The following SAMMSON variants were observed in gnomAD, a reference collection of about 807,000 sequenced individuals.
SAMMSON encodes the protein survival associated mitochondrial melanoma specific oncogenic non-coding RNA.
chr3:70,412,011 G>A (rs1025332342), intron 2 of SAMMSON, among the ~76,000 whole-genome samples: 1 of 152,098 alleles, frequency 6.6e-6, no homozygotes, highest in African/African-American at 2.4e-5. Context: ...GAACCAAGAA[G>A]GACATTTCCT....
intron 2 of SAMMSON, among the ~76,000 whole-genome samples, chr3:70,395,974 T>C (rs543124384): frequency 6.6e-6 from 1 of 152,288 alleles, no homozygotes; most frequent in Admixed American, 6.5e-5. Context: ...CAGTTTTCTC[T>C]TTTTAAAACT....
At chr3:70,232,080 G>T (rs1395540971) in intron 4 of SAMMSON, among the ~76,000 whole-genome samples, 1 of 152,138 alleles carries the variant, frequency 6.6e-6, no homozygotes, top group African/African-American at 2.4e-5. Context: ...TGAACTGGGA[G>T]ATGTGCTTTC....
intron 1 of SAMMSON, among the ~76,000 whole-genome samples, chr3:70,006,435 C>T (rs1417477106): frequency 2.6e-5 from 4 of 152,102 alleles, no homozygotes; most frequent in Admixed American, 6.5e-5. Flanking sequence ...TAAAGTTTGG[C>T]GAAGCTGGAT....
chr3:70,319,701 A>G (rs1307562916), intron 7 of SAMMSON, among the ~76,000 whole-genome samples: 1 of 152,094 alleles, frequency 6.6e-6, no homozygotes, highest in African/African-American at 2.4e-5. Flanking sequence ...CATAAATCAT[A>G]TGATAGGTAA....
intron 4 of SAMMSON, among the ~76,000 whole-genome samples, chr3:70,239,818 C>T (rs1466857526): frequency 1.3e-5 from 2 of 151,960 alleles, no homozygotes; most frequent in Non-Finnish European, 2.9e-5. Context: ...TCAGTGTTTC[C>T]CAATAGTGAG....
At chr3:70,048,072 C>T (rs2067133735) in intron 3 of SAMMSON, among the ~76,000 whole-genome samples, 1 of 151,988 alleles carries the variant, frequency 6.6e-6, no homozygotes, top group African/African-American at 2.4e-5. Flanking sequence ...TTAAAAGACA[C>T]ATTTTGGTTA....
chr3:70,255,055 G>C (rs1245784193), intron 6 of SAMMSON, among the ~76,000 whole-genome samples: 4 of 152,136 alleles, frequency 2.6e-5, no homozygotes, highest in Admixed American at 6.5e-5. Context: ...AAATCAGCTT[G>C]AGAAAGAGAG....
At chr3:70,084,985 A>G (rs992888946) in intron 4 of SAMMSON, among the ~76,000 whole-genome samples, 1 of 152,198 alleles carries the variant, frequency 6.6e-6, no homozygotes, top group Non-Finnish European at 1.5e-5. Context: ...AAGATGTCTT[A>G]CCTCAAGACT....
chr3:70,309,715 C>T (rs78937718), intron 7 of SAMMSON, among the ~76,000 whole-genome samples: 2,020 of 152,240 alleles, frequency 0.013, 31 homozygotes, highest in African/African-American at 0.045. Flanking sequence ...AAAACTAACT[C>T]ATCCTGATAA....
At chr3:70,098,755 C>A (rs1423000604) in intron 4 of SAMMSON, among the ~76,000 whole-genome samples, 1 of 152,140 alleles carries the variant, frequency 6.6e-6, no homozygotes, top group Non-Finnish European at 1.5e-5. Flanking sequence ...GTCCCTATCA[C>A]CCTGCTTAAG....
intron 1 of SAMMSON, among the ~76,000 whole-genome samples, chr3:70,003,406 T>A (rs1170335389): frequency 1.3e-5 from 2 of 151,914 alleles, no homozygotes; most frequent in African/African-American, 4.8e-5. Flanking sequence ...CTTTTCTCTT[T>A]TATGTTTTTG....
intron 3 of SAMMSON, among the ~76,000 whole-genome samples, chr3:70,017,707 A>G (rs1339160992): frequency 6.6e-6 from 1 of 152,110 alleles, no homozygotes. Flanking sequence ...TCAGCATGAT[A>G]TTGGCTGTGG....
intron 4 of SAMMSON, among the ~76,000 whole-genome samples, chr3:70,214,991 T>C (rs1362400883): frequency 1.3e-5 from 2 of 152,266 alleles, no homozygotes; most frequent in East Asian, 1.9e-4. Flanking sequence ...TCATGCATGA[T>C]TGGTATTACA....
intron 7 of SAMMSON, among the ~76,000 whole-genome samples, chr3:70,315,157 T>C (rs900484595): frequency 4.6e-5 from 7 of 152,192 alleles, no homozygotes; most frequent in African/African-American, 1.7e-4. Flanking sequence ...ATGAAGATAG[T>C]GTGGTGACTA....
intron 4 of SAMMSON, among the ~76,000 whole-genome samples, chr3:70,082,633 T>A (rs180961222): frequency 1.3e-5 from 2 of 152,192 alleles, no homozygotes; most frequent in Non-Finnish European, 2.9e-5. Context: ...GTGGAAAAAA[T>A]GTGGAGTGGT....
intron 4 of SAMMSON, among the ~76,000 whole-genome samples, chr3:70,225,582 C>G (rs1388078216): frequency 6.6e-6 from 1 of 151,576 alleles, no homozygotes; most frequent in African/African-American, 2.4e-5. Context: ...CTTCAAAATC[C>G]TTTTCTCTGT....
chr3:70,097,772 C>T lies in SAMMSON; in HGVS notation n.507+26207C>T, dbSNP rs547805660. Among the ~76,000 whole-genome samples the T allele has an allele frequency of 1.6e-4, 24 of 152,266 alleles. No individual in the cohort carries two copies. The East Asian group carries it at 4.6e-3, about 29-fold the overall frequency. ...ATAATCCTCAAAGGTTACTCGCAAT[C>T]ATTTAAAAGACCCTATATTCATCTC... On this transcript the variant is annotated intron_variant and non_coding_transcript_variant, in intron 4 of 9. Coordinates refer to ENST00000642114, the Ensembl canonical transcript of SAMMSON.
chr3:70,301,706 A>G (rs2106702138), intron 7 of SAMMSON, among the ~76,000 whole-genome samples: 1 of 152,210 alleles, frequency 6.6e-6, no homozygotes, highest in East Asian at 1.9e-4. Context: ...TGGCCTGAAT[A>G]TAGATTTTTG....
chr3:70,314,768 A>G (rs1448430048), intron 7 of SAMMSON, among the ~76,000 whole-genome samples: 1 of 152,154 alleles, frequency 6.6e-6, no homozygotes, highest in Non-Finnish European at 1.5e-5. Flanking sequence ...GGATCTTTGT[A>G]AGGTTACAAG....
Sources: gnomAD v4.1 joint callset for allele counts (sites outside exome capture counted in the v4.1 genomes callset) on GRCh38, gnomAD v4.1.1 for gene constraint, MANE v1.5 for transcripts, NCBI Gene and HGNC (gene_info 2026-07-23, HGNC 2026-07-21) for gene names.